PLIN1: variants seen among roughly 807,000 people sequenced by gnomAD.
The protein encoded by PLIN1 is perilipin-1.
A neutral mutation model predicts 45.8 loss-of-function variants in PLIN1; 37 were observed. That is an observed-to-expected ratio of 0.81 (90% CI 0.62 to 1.06). PLIN1 has a LOEUF of 1.06. Ranked by LOEUF, PLIN1 falls within the 50% of genes least tolerant of loss-of-function variation. PLIN1 has a pLI of 0.00. For synonymous variants in PLIN1, 340 were observed against 309.2 expected, an observed-to-expected ratio of 1.10 and a Z score of -1.05; for missense variants, 776 against 716.5, an observed-to-expected ratio of 1.08 and a Z score of -0.95.
chr15:89,677,431 C>T lies in PLIN1; in HGVS notation c.45+14G>A. 1 of 1,610,166 alleles carries T rather than the reference C, an allele frequency of 6.2e-7. No homozygotes were observed. Among genetic ancestry groups the T allele is most frequent in the East Asian group, 2.2e-5 (1 of 44,858 alleles). ...TTGTCCATCCCCTGTCACAGATGAGCCCAAGTTACTTACAGGGAGGTCTCC... is the reference window on the plus strand; with the variant it reads ...TTGTCCATCCCCTGTCACAGATGAGTCCAAGTTACTTACAGGGAGGTCTCC... On this transcript the variant is annotated intron_variant, in intron 2 of 8. Transcript: ENST00000300055.
intron 2 of PLIN1, among the ~76,000 whole-genome samples, chr15:89,674,084 G>A (rs147820330): frequency 6.6e-6 from 1 of 152,260 alleles, no homozygotes; most frequent in East Asian, 1.9e-4. Flanking sequence ...CAGAGTGTAG[G>A]CCAAACATGG....
In PLIN1 at chr15:89,665,724, C is replaced by T. The variant is rs1222799124; in HGVS notation, c.1428G>A (p.Thr476=). Residue 476 remains threonine, a synonymous_variant, in exon 9 of 9, where the codon ACG becomes ACA. Coordinates refer to ENST00000300055, the MANE Select transcript of PLIN1 (RefSeq NM_002666.5). The stretch of plus-strand genomic sequence containing the variant: ...GGAAGCCCGGGCGCGGCGCTGCGGG[C>T]GTGGCGACTTCGTCCTCCAGGCCCG... The part of the protein sequence containing the change: ...PGPGLEDEVA[T]PAAPRPGFPA... The T allele has an allele frequency of 1.4e-6, 2 of 1,456,996 alleles. No homozygotes were observed. Among genetic ancestry groups the T allele is most frequent in the East Asian group, 3.0e-5 (1 of 33,852 alleles). The allele number at this position is 1,456,996 out of a possible 1,614,324, so 90.3% of individuals were successfully genotyped here. A position where few individuals can be genotyped will look rare whatever the true frequency, so the allele number is the denominator to read the frequency against.
At position 89,673,280 on chromosome 15, in the gene PLIN1, C is replaced by G. The variant is rs771804256; in HGVS notation, c.180G>C (p.Lys60Asn). Reference sequence around the variant, plus strand: ...CCAAGCTACTGGCGCTCTGCACGCCCTTCTCATAGGCATTGCACACAGAGG... The same window carrying G: ...CCAAGCTACTGGCGCTCTGCACGCCGTTCTCATAGGCATTGCACACAGAGG... ...LVASVCNAYE[K>N]GVQSASSLAA... The change falls in exon 3 of 9, where the codon AAG becomes AAC. Residue 60 changes from lysine to asparagine, a missense_variant. Coordinates refer to ENST00000300055, the MANE Select transcript of PLIN1 (RefSeq NM_002666.5). 1 of 1,583,034 alleles carries G rather than the reference C, an allele frequency of 6.3e-7. No individual in the cohort carries two copies. Among genetic ancestry groups the G allele is most frequent in the South Asian group, 1.2e-5 (1 of 86,672 alleles).
intron 1 of PLIN1, chr15:89,677,803 T>C (rs1596045124): frequency 2.9e-6 from 1 of 350,636 alleles, no homozygotes; most frequent in South Asian, 3.9e-5. Flanking sequence ...CAGGCTGGAG[T>C]GTAGTTGCAC....
chr15:89,673,198 G>A lies in PLIN1; in HGVS notation c.250+12C>T, dbSNP rs772828991. ...AACAAGCAGGCAGCTGCTGAGCGCC[G>A]CAAGGACTCACACTGGGTGGACAGC... On this transcript the variant is annotated intron_variant, in intron 3 of 8. Transcript: ENST00000300055. The A allele has an allele frequency of 3.9e-6, 6 of 1,549,326 alleles. No individual in the cohort carries two copies. The highest frequency in any genetic ancestry group is 3.6e-5 in the South Asian group (3 of 84,454).
At position 89,665,759 on chromosome 15, in the gene PLIN1, G is replaced by A. The variant is rs1311061283; in HGVS notation, c.1393C>T (p.Pro465Ser). ...SLRSAQSPGA[P>S]PGPGLEDEVA... ...TCGTCCTCCAGGCCCGGGCCGGGGG[G>A]CGCGCCGGGGCTCTGCGCGCTGCGC... The change falls in exon 9 of 9, where the codon CCC becomes TCC. Residue 465 changes from proline to serine, a missense_variant. Pro to Ser is a moderately conservative substitution (Grantham distance 74, BLOSUM62 -1). Coordinates refer to ENST00000300055, the MANE Select transcript of PLIN1 (RefSeq NM_002666.5). 1.2e-5 allele frequency: 15 copies of A among 1,273,648 alleles called. No homozygotes were observed. Among genetic ancestry groups the A allele is most frequent in the South Asian group, 5.4e-5 (2 of 36,924 alleles). 78.9% of individuals were successfully genotyped at this position (1,273,648 alleles called of 1,614,324 possible).
At chr15:89,676,618 A>G (rs1166431119) in intron 2 of PLIN1, 1 of 152,208 alleles carries the variant, frequency 6.6e-6, no homozygotes, top group African/African-American at 2.4e-5. Context: ...TATAAACAAG[A>G]AAACATTCTT....
At chr15:89,674,132 G>C (rs1335332638) in intron 2 of PLIN1, among the ~76,000 whole-genome samples, 2 of 152,196 alleles carry the variant, frequency 1.3e-5, no homozygotes, top group Non-Finnish European at 2.9e-5. Context: ...CCACAGTCAG[G>C]GCTGTGCCTA....
At position 89,673,268 on chromosome 15, in the gene PLIN1, G is replaced by C; in HGVS notation, c.192C>G (p.Ser64Arg). The change falls in exon 3 of 9, where the codon AGC becomes AGG. Residue 64 changes from serine (S) to arginine (R), a missense_variant. Coordinates refer to ENST00000300055, the MANE Select transcript of PLIN1 (RefSeq NM_002666.5). ...VCNAYEKGVQ[S>R]ASSLAAWSME... ...TGCTCCAGGCAGCCAAGCTACTGGC[G>C]CTCTGCACGCCCTTCTCATAGGCAT... 6.3e-7 allele frequency: 1 copy of C among 1,580,720 alleles called. No individual in the cohort carries two copies. Among genetic ancestry groups the C allele is most frequent in the Non-Finnish European group, 8.6e-7 (1 of 1,162,006 alleles).
chr15:89,673,506 C>T (rs1964472816), intron 2 of PLIN1, 92 bp from the exon 3 acceptor site: 5 of 1,032,164 alleles, frequency 4.8e-6, no homozygotes, highest in Non-Finnish European at 7.3e-6. Flanking sequence ...AATGGTGCAA[C>T]TAGCCTGAGT....
intron 8 of PLIN1, 34 bp downstream of exon 8, chr15:89,666,902 G>A: frequency 6.2e-7 from 1 of 1,612,444 alleles, no homozygotes; most frequent in Non-Finnish European, 8.5e-7. Flanking sequence ...AGGCCCCCTT[G>A]GGACACTAAC....
At chr15:89,678,687 G>A (rs943710411) in intron 1 of PLIN1, among the ~76,000 whole-genome samples, 2 of 152,156 alleles carry the variant, frequency 1.3e-5, no homozygotes, top group East Asian at 3.9e-4. Context: ...GCTGACATGG[G>A]AGAATTGCTT....
intron 6 of PLIN1, among the ~76,000 whole-genome samples, chr15:89,668,284 T>G (rs182009497): frequency 6.6e-6 from 1 of 152,346 alleles, no homozygotes; most frequent in Admixed American, 6.5e-5. Flanking sequence ...CTGTGTAATA[T>G]TCCATCATAC....
intron 6 of PLIN1, 91 bp downstream of exon 6, chr15:89,669,409 G>T: frequency 9.2e-7 from 1 of 1,090,894 alleles, no homozygotes; most frequent in Non-Finnish European, 1.4e-6. Context: ...TCTCAGGACA[G>T]GAAGGGGTGA....
At chr15:89,672,131 G>C (rs568331517) in intron 3 of PLIN1, among the ~76,000 whole-genome samples, 1 of 152,158 alleles carries the variant, frequency 6.6e-6, no homozygotes, top group South Asian at 2.1e-4. Flanking sequence ...CAGGCCCCAG[G>C]CCGTCCATGC....
intron 3 of PLIN1, among the ~76,000 whole-genome samples, chr15:89,672,246 C>A (rs1964451776): frequency 6.6e-6 from 1 of 152,252 alleles, no homozygotes; most frequent in African/African-American, 2.4e-5. Context: ...CAGAGATGCA[C>A]CTGCTTCAAG....
At position 89,666,968 on chromosome 15, in the gene PLIN1, TGTCA is replaced by T. The variant is rs1964352237; in HGVS notation, c.1173_1176del (p.Asp392ThrfsTer17). ...TAATGCACCACTGTGTCCACCACGT[TGTCA>T]GTAACGCCCTTCAGGGCATCTGATA... On this transcript the variant is annotated frameshift_variant, in exon 8 of 9. Coordinates refer to ENST00000300055, the MANE Select transcript of PLIN1 (RefSeq NM_002666.5). LOFTEE classifies it low-confidence loss of function (END_TRUNC). 1 of 1,613,994 alleles carries T rather than the reference TGTCA, an allele frequency of 6.2e-7. No homozygotes were observed. The highest frequency in any genetic ancestry group is 8.5e-7 in the Non-Finnish European group (1 of 1,179,980).
At position 89,669,966 on chromosome 15, in the gene PLIN1, C is replaced by T. The variant is rs377430107; in HGVS notation, c.598+14G>A. On this transcript the variant is annotated intron_variant, in intron 5 of 8. Transcript: ENST00000300055. The stretch of plus-strand genomic sequence containing the variant: ...ACAACTCACTCCCAGGCCGAGCCTC[C>T]GAATGGCAGGTACCTGACTCTTCCT... The T allele has an allele frequency of 1.6e-5, 26 of 1,606,512 alleles. No individual in the cohort carries two copies. The African/African-American group carries it at 1.7e-4, about 11-fold the overall frequency.
At position 89,665,309 on chromosome 15, in the gene PLIN1, A is replaced by C. The variant is rs1596037625; in HGVS notation, c.*274T>G. The C allele has an allele frequency of 3.3e-6, 1 of 302,880 alleles. No individual in the cohort carries two copies. The highest frequency in any genetic ancestry group is 6.1e-6 in the Non-Finnish European group (1 of 165,054). The allele number at this position is 302,880 out of a possible 1,614,324, so 18.8% of individuals were successfully genotyped here. A position where few individuals can be genotyped will look rare whatever the true frequency, so the allele number is the denominator to read the frequency against. On this transcript the variant is annotated 3_prime_UTR_variant, in exon 9 of 9. Transcript: ENST00000300055. The stretch of plus-strand genomic sequence containing the variant: ...AGATGAAAAATCAAGTTAGGCAATT[A>C]CTCTTATAGTAACAACCAAGCCATA...
Sources: allele counts gnomAD v4.1 joint callset (sites outside exome capture counted in the v4.1 genomes callset), GRCh38; gene constraint gnomAD v4.1.1; transcripts MANE v1.5; gene names NCBI Gene and HGNC (gene_info 2026-07-23, HGNC 2026-07-21).